The following CD44 variants were observed in gnomAD, a reference collection of about 807,000 sequenced individuals.
CD44 encodes CD44 antigen.
CD44 carries 49 observed loss-of-function variants against 88.8 expected under a neutral mutation model. The observed-to-expected ratio is 0.55, with a 90% CI of 0.44 to 0.70. The LOEUF is 0.70. Ranked by LOEUF, CD44 falls within the 30% of genes least tolerant of loss-of-function variation. The pLI is 0.00. For synonymous variants in CD44, 325 were observed against 312.3 expected (o/e 1.04, Z -0.43); for missense variants, 883 against 913.8 (o/e 0.97, Z 0.43).
intron 1 of CD44, among the ~76,000 whole-genome samples, chr11:35,166,565 C>A (rs1373916561): frequency 6.6e-6 from 1 of 152,134 alleles, no homozygotes; most frequent in Non-Finnish European, 1.5e-5. Flanking sequence ...CTAGGAGAAC[C>A]CTTGGGATTC....
At chr11:35,225,908 A>G (rs80307155) in intron 17 of CD44, among the ~76,000 whole-genome samples, 3,603 of 152,324 alleles carry the variant, frequency 0.024, 127 homozygotes, top group African/African-American at 0.079. Flanking sequence ...AAGCTGTGAA[A>G]CTTTGGACAA....
intron 7 of CD44, 137 bp from the exon 8 acceptor site, chr11:35,200,945 A>G: frequency 1.4e-6 from 1 of 703,838 alleles, no homozygotes; most frequent in Non-Finnish European, 2.6e-6. Flanking sequence ...CTTTCCCTCC[A>G]TTTCCATGCA....
At chr11:35,152,684 C>A (rs1860574409) in intron 1 of CD44, among the ~76,000 whole-genome samples, 1 of 152,142 alleles carries the variant, frequency 6.6e-6, no homozygotes, top group African/African-American at 2.4e-5. Context: ...ATCATTGAAA[C>A]TGTATTCTTT....
intron 3 of CD44, among the ~76,000 whole-genome samples, chr11:35,182,202 TA>T (rs1334700730): frequency 1.3e-5 from 2 of 150,402 alleles, no homozygotes; most frequent in African/African-American, 4.9e-5. Context: ...TACTCACTAC[TA>T]AAAAAAACCC....
At chr11:35,160,054 C>T (rs1228479560) in intron 1 of CD44, among the ~76,000 whole-genome samples, 1 of 152,190 alleles carries the variant, frequency 6.6e-6, no homozygotes, top group South Asian at 2.1e-4. Flanking sequence ...GGCAATGGGG[C>T]CTCCAAGGCC....
intron 1 of CD44, among the ~76,000 whole-genome samples, chr11:35,161,953 C>T (rs78453410): frequency 6.6e-6 from 1 of 152,258 alleles, no homozygotes; most frequent in Non-Finnish European, 1.5e-5. Flanking sequence ...GACCACCTGT[C>T]AAAAGAGCCC....
At chr11:35,223,038 C>G in intron 17 of CD44, 1 of 985,364 alleles carries the variant, frequency 1.0e-6, no homozygotes, top group Non-Finnish European at 1.2e-6. Flanking sequence ...AATAATTACG[C>G]TGGTACAAGT....
At chr11:35,210,120 G>C in intron 13 of CD44, 66 bp downstream of exon 13, 1 of 903,476 alleles carries the variant, frequency 1.1e-6, no homozygotes. Flanking sequence ...GGGTACTTTT[G>C]CAGTGTCTTT....
At position 35,175,948 on chromosome 11, in the gene CD44, C is replaced by T. The variant is rs375214384; in HGVS notation, c.68-627C>T. Reference sequence around the variant, plus strand: ...TGGCATGATCTCGGCTCACTGTAACCTCTGCCTCCTGGTTCAAGTGATTCT... The same window carrying T: ...TGGCATGATCTCGGCTCACTGTAACTTCTGCCTCCTGGTTCAAGTGATTCT... On this transcript the variant is annotated intron_variant, in intron 1 of 17. Coordinates refer to ENST00000428726, the MANE Select transcript of CD44 (RefSeq NM_000610.4). Among the ~76,000 whole-genome samples, 24 of 150,654 alleles carry T rather than the reference C, an allele frequency of 1.6e-4. No homozygotes were observed. In the South Asian group the frequency reaches 4.9e-3, roughly 30 times the overall value.
At chr11:35,203,104 T>C (rs756447045) in intron 9 of CD44, among the ~76,000 whole-genome samples, 2 of 152,184 alleles carry the variant, frequency 1.3e-5, no homozygotes, top group Non-Finnish European at 2.9e-5. Context: ...CTTATGAATA[T>C]TTGCGAAACT....
chr11:35,199,742 T>G (rs1947109917), intron 7 of CD44, among the ~76,000 whole-genome samples: 1 of 151,998 alleles, frequency 6.6e-6, no homozygotes, highest in Admixed American at 6.5e-5. Flanking sequence ...AACCAAATAA[T>G]CAAAAACACT....
At position 35,139,261 on chromosome 11, in the gene CD44, C is replaced by T. The variant is rs1031528645; in HGVS notation, c.-43C>T. The T allele has an allele frequency of 1.3e-6, 2 of 1,519,102 alleles. No homozygotes were observed. The highest frequency in any genetic ancestry group is 1.8e-6 in the Non-Finnish European group (2 of 1,117,084). 94.1% of individuals were successfully genotyped at this position (1,519,102 alleles called of 1,614,324 possible). Reference sequence around the variant, plus strand: ...GGCCCCTGCCCCGCGCCCAGGGATCCTCCAGCTCCTTTCGCCCGCGCCCTC... The same window carrying T: ...GGCCCCTGCCCCGCGCCCAGGGATCTTCCAGCTCCTTTCGCCCGCGCCCTC... On this transcript the variant is annotated 5_prime_UTR_variant, in exon 1 of 18. Coordinates refer to ENST00000428726, the MANE Select transcript of CD44 (RefSeq NM_000610.4).
intron 1 of CD44, among the ~76,000 whole-genome samples, chr11:35,168,751 G>A (rs898800477): frequency 6.6e-6 from 1 of 152,192 alleles, no homozygotes; most frequent in Non-Finnish European, 1.5e-5. Context: ...CTGGAGAACT[G>A]ACAGTGCCCT....
intron 1 of CD44, among the ~76,000 whole-genome samples, chr11:35,167,716 A>G (rs973831519): frequency 1.3e-5 from 2 of 152,154 alleles, no homozygotes; most frequent in African/African-American, 4.8e-5. Context: ...AGCTACATCA[A>G]CCTGGAGCCT....
intron 7 of CD44, among the ~76,000 whole-genome samples, chr11:35,199,426 G>A (rs371756270): frequency 6.6e-6 from 1 of 151,200 alleles, no homozygotes; most frequent in Non-Finnish European, 1.5e-5. Context: ...CTCCATCACA[G>A]TTCTGCTTTT....
At chr11:35,139,789 G>A (rs764250672) in intron 1 of CD44, among the ~76,000 whole-genome samples, 6 of 152,256 alleles carry the variant, frequency 3.9e-5, no homozygotes, top group Non-Finnish European at 7.3e-5. Context: ...GACTGGGGCT[G>A]GAACAGGGCG....
intron 5 of CD44, among the ~76,000 whole-genome samples, chr11:35,191,889 C>A (rs1014467690): frequency 6.6e-6 from 1 of 152,016 alleles, no homozygotes; most frequent in African/African-American, 2.4e-5. Flanking sequence ...TGCTTGGGAT[C>A]GAAGGATAAA....
At chr11:35,142,428 T>G (rs1216078226) in intron 1 of CD44, among the ~76,000 whole-genome samples, 7 of 152,074 alleles carry the variant, frequency 4.6e-5, no homozygotes, top group African/African-American at 1.7e-4. Flanking sequence ...ATAGACTGGG[T>G]GAGGGGATCT....
rs556046470 is a variant in CD44 at position 35,228,713 on chromosome 11, C to T, written c.2025-416C>T. On this transcript the variant is annotated intron_variant, in intron 17 of 17. Coordinates refer to ENST00000428726, the MANE Select transcript of CD44 (RefSeq NM_000610.4). ...AATATAGAGAATATAATAATAACAC[C>T]GGCTTCCTGGAGTCTTAGTTGCTGG... Among the ~76,000 whole-genome samples the T allele has an allele frequency of 7.2e-5, 11 of 152,260 alleles. No homozygotes were observed. The East Asian group carries it at 7.7e-4, about 11-fold the overall frequency.
Sources: gnomAD v4.1 joint callset for allele counts (sites outside exome capture counted in the v4.1 genomes callset) on GRCh38, gnomAD v4.1.1 for gene constraint, MANE v1.5 for transcripts, NCBI Gene and HGNC (gene_info 2026-07-23, HGNC 2026-07-21) for gene names.